KLRG1: variants seen among roughly 807,000 people sequenced by gnomAD.
The protein encoded by KLRG1 is killer cell lectin-like receptor subfamily G member 1.
A neutral mutation model predicts 21.8 loss-of-function variants in KLRG1; 16 were observed. The observed-to-expected ratio is 0.73, with a 90% CI of 0.50 to 1.11. The LOEUF (loss-of-function observed/expected upper bound fraction) is 1.11. KLRG1 is among the 50% of genes most tolerant of loss of function. The probability of loss-of-function intolerance (pLI) is 0.00; values close to 1 mark genes in which losing one functional copy is unlikely to be tolerated. For synonymous variants in KLRG1, 69 were observed against 75.9 expected (o/e 0.91, Z 0.47); for missense variants, 173 against 218.3 (o/e 0.79, Z 1.31).
At chr12:9,164,038 T>C in the KLRG1 span, 1 of 1,446,378 alleles carries the variant, frequency 6.9e-7, no homozygotes, top group Non-Finnish European at 9.4e-7. Context: ...TAGAATTATA[T>C]CTATGGCAAA....
At chr12:9,151,627 G>C in the KLRG1 span, 7 of 1,613,832 alleles carry the variant, frequency 4.3e-6, no homozygotes, top group African/African-American at 8.0e-5. Flanking sequence ...ATGAGGACAT[G>C]GTTGTTGCTC....
In KLRG1 at chr12:8,967,656, G is replaced by A. The variant is rs765094859; in HGVS notation, c.-156+17420G>A. ...GATTTCTTGAGCCTAGGAGTTCAAG[G>A]CTCAATATATGAAACAATGGTTCCA... On this transcript the variant is annotated intron_variant, in intron 1 of 4. Transcript: ENST00000539240. Among the ~76,000 whole-genome samples the A allele has an allele frequency of 7.2e-5, 11 of 152,254 alleles. No individual in the cohort carries two copies. In the East Asian group the frequency reaches 2.1e-3, roughly 29 times the overall value.
At chr12:9,169,437 A>G in the KLRG1 span, 1 of 1,593,188 alleles carries the variant, frequency 6.3e-7, no homozygotes, top group African/African-American at 1.4e-5. Context: ...TACCTTGAGG[A>G]AGCTATAAAT....
chr12:9,101,182 C>G, the KLRG1 span: 1 of 1,561,146 alleles, frequency 6.4e-7, no homozygotes, highest in Non-Finnish European at 8.7e-7. Flanking sequence ...AGTCCCAGTT[C>G]GGACAATGCC....
At chr12:9,062,063 A>G in the KLRG1 span, among the ~76,000 whole-genome samples, 57,736 of 147,312 alleles carry the variant, frequency 0.39, 12,380 homozygotes, top group African/African-American at 0.54. Context: ...CACAATAGAT[A>G]TGTAATATAT....
the KLRG1 span, among the ~76,000 whole-genome samples, chr12:9,018,931 G>T: frequency 8.5e-5 from 13 of 152,144 alleles, no homozygotes; most frequent in East Asian, 2.1e-3. Context: ...GAATAAATAG[G>T]ATAGCATCCA....
At chr12:9,077,406 A>G in the KLRG1 span, 1 of 1,613,234 alleles carries the variant, frequency 6.2e-7, no homozygotes, top group Non-Finnish European at 8.5e-7. Context: ...GGGTCACTTC[A>G]TCTTCTACTC....
chr12:9,064,593 G>C, the KLRG1 span: 1 of 154,698 alleles, frequency 6.5e-6, no homozygotes, highest in Non-Finnish European at 1.5e-5. This position sits in a 1 kb window ranked among gnomAD's most constrained non-coding sequence, Gnocchi z 4.0. Flanking sequence ...AGTCCTTGGA[G>C]CCGGCCCCGG....
the KLRG1 span, among the ~76,000 whole-genome samples, chr12:9,136,540 C>CAT: frequency 5.3e-5 from 8 of 151,758 alleles, no homozygotes; most frequent in African/African-American, 9.7e-5. Context: ...TATATGTGTG[C>CAT]ATATATATAT....
the KLRG1 span, chr12:9,028,875 C>T: frequency 3.1e-5 from 20 of 641,336 alleles, no homozygotes; most frequent in African/African-American, 1.4e-4. Flanking sequence ...GCCTTGCATT[C>T]GTGGCCGCAT....
chr12:9,034,071 T>C, the KLRG1 span, among the ~76,000 whole-genome samples: 3 of 152,162 alleles, frequency 2.0e-5, no homozygotes, highest in East Asian at 1.9e-4. Context: ...TGAGAGACAA[T>C]TGGTATTTGT....
chr12:9,151,600 T>A, the KLRG1 span: 4 of 1,613,028 alleles, frequency 2.5e-6, no homozygotes, highest in Non-Finnish European at 3.4e-6. Flanking sequence ...GTCAGAGCCC[T>A]CACCTGTTCC....
chr12:9,148,103 T>C, the KLRG1 span, among the ~76,000 whole-genome samples: 3 of 152,364 alleles, frequency 2.0e-5, no homozygotes, highest in Non-Finnish European at 4.4e-5. Flanking sequence ...AAAATTACTT[T>C]AGAAATTATT....
At chr12:9,088,163 T>C in the KLRG1 span, among the ~76,000 whole-genome samples, 1 of 151,590 alleles carries the variant, frequency 6.6e-6, no homozygotes, top group Non-Finnish European at 1.5e-5. Flanking sequence ...CACAAACATA[T>C]ACATCTACAC....
chr12:9,110,892 C>T, the KLRG1 span, among the ~76,000 whole-genome samples: 1 of 151,982 alleles, frequency 6.6e-6, no homozygotes, highest in African/African-American at 2.4e-5. Context: ...TGTAAAGTGC[C>T]ATTTACTAAA....
chr12:9,133,681 G>A, the KLRG1 span, among the ~76,000 whole-genome samples: 3 of 152,170 alleles, frequency 2.0e-5, no homozygotes, highest in African/African-American at 7.2e-5. Flanking sequence ...TAGGCAGAGG[G>A]AAGCATGTGC....
the KLRG1 span, among the ~76,000 whole-genome samples, chr12:9,051,695 GA>G: frequency 6.6e-6 from 1 of 152,144 alleles, no homozygotes; most frequent in Non-Finnish European, 1.5e-5. Flanking sequence ...AAAATAACAT[GA>G]AAACTTCTGT....
At chr12:9,016,645 C>T in the KLRG1 span, among the ~76,000 whole-genome samples, 1 of 152,150 alleles carries the variant, frequency 6.6e-6, no homozygotes, top group African/African-American at 2.4e-5. Context: ...CAGTGTCTTG[C>T]TTTGTTGCCC....
the KLRG1 span, among the ~76,000 whole-genome samples, chr12:9,044,015 C>A: frequency 6.6e-6 from 1 of 152,268 alleles, no homozygotes; most frequent in East Asian, 1.9e-4. Context: ...AGACTCTTGG[C>A]AAGACCATGA....
Sources: allele counts gnomAD v4.1 joint callset (sites outside exome capture counted in the v4.1 genomes callset), GRCh38; gene constraint gnomAD v4.1.1; non-coding constraint Gnocchi (gnomAD v3.1); transcripts MANE v1.5; gene names NCBI Gene and HGNC (gene_info 2026-07-23, HGNC 2026-07-21).